The following CMYA5 variants were observed in gnomAD, a reference collection of about 807,000 sequenced individuals.
The protein encoded by CMYA5 is cardiomyopathy associated 5.
Under a neutral mutation model 318.9 loss-of-function variants are expected in CMYA5, and 246 were observed. The ratio of observed to expected loss-of-function variants is 0.77; its 90% confidence interval spans 0.70 to 0.86. The LOEUF is 0.86. CMYA5 is among the 40% of genes least tolerant of loss of function. CMYA5 has a pLI of 0.00. For synonymous variants in CMYA5, 1,641 were observed against 1,729.5 expected, an observed-to-expected ratio of 0.95 and a Z score of 1.27; for missense variants, 4,589 against 4,678.2, an observed-to-expected ratio of 0.98 and a Z score of 0.56.
rs1215558510 is a variant in CMYA5, at chr5:79,734,205, C to T, written c.5440C>T (p.Pro1814Ser). The change falls in exon 2 of 13, where the codon CCT becomes TCT. Residue 1814 changes from proline to serine, a missense_variant. Coordinates refer to ENST00000446378, the MANE Select transcript of CMYA5 (RefSeq NM_153610.5). The part of the protein sequence containing the change: ...QSITEPSKIA[P>S]SDLLVEQKKT... ...TATAACAGAACCATCAAAGATTGCT[C>T]CTTCTGACCTCCTTGTAGAACAAAA... is the stretch of plus-strand genomic sequence containing the variant. The T allele has an allele frequency of 1.2e-6, 2 of 1,613,710 alleles. No homozygotes were observed. The highest frequency in any genetic ancestry group is 1.7e-6 in the Non-Finnish European group (2 of 1,179,818).
rs1827947105 is a variant in CMYA5 at position 79,732,740 on chromosome 5, G to A, written c.3975G>A (p.Lys1325=). ...VLHSASSGVE[K]QVEHGPPALA... ...ATTCAGCTTCCTCAGGAGTGGAAAAGCAAGTTGAACATGGTCCACCTGCAC... is the reference window on the plus strand; with the variant it reads ...ATTCAGCTTCCTCAGGAGTGGAAAAACAAGTTGAACATGGTCCACCTGCAC... Residue 1325 remains lysine, a synonymous_variant, in exon 2 of 13, where the codon AAG becomes AAA. Transcript: ENST00000446378. The A allele has an allele frequency of 6.2e-7, 1 of 1,613,606 alleles. No homozygotes were observed. The highest frequency in any genetic ancestry group is 1.1e-5 in the South Asian group (1 of 91,048).
chr5:79,709,092 C>G (rs911233006), intron 1 of CMYA5, among the ~76,000 whole-genome samples: 7 of 152,038 alleles, frequency 4.6e-5, no homozygotes, highest in Admixed American at 1.3e-4. Context: ...TTTCTACAAA[C>G]AGGTATCAAG....
chr5:79,759,366 G>C (rs2151094306), intron 7 of CMYA5, among the ~76,000 whole-genome samples: 1 of 152,354 alleles, frequency 6.6e-6, no homozygotes, highest in Non-Finnish European at 1.5e-5. Context: ...GGGATGTCAT[G>C]GGTGGCAGTT....
chr5:79,745,030 A>G (rs565555340), intron 3 of CMYA5, among the ~76,000 whole-genome samples, 192 bp from the exon 4 acceptor site: 5 of 152,174 alleles, frequency 3.3e-5, no homozygotes, highest in Admixed American at 1.3e-4. Flanking sequence ...AGTAAATTCT[A>G]TTGCTTTATT....
chr5:79,729,914 C>G lies in CMYA5; in HGVS notation c.1149C>G (p.Pro383=). The G allele has an allele frequency of 1.2e-6, 2 of 1,613,318 alleles. No individual in the cohort carries two copies. Among genetic ancestry groups the G allele is most frequent in the South Asian group, 2.2e-5 (2 of 90,972 alleles). Reference sequence around the variant, plus strand: ...AAGTGGAACCTCCATCTGTGACACCCGACACACCTGCAACTATGTTCCTGA... The same window carrying G: ...AAGTGGAACCTCCATCTGTGACACCGGACACACCTGCAACTATGTTCCTGA... ...PHEVEPPSVT[P]DTPATMFLRT... Residue 383 remains proline, a synonymous_variant, in exon 2 of 13, where the codon CCC becomes CCG. Coordinates refer to ENST00000446378, the MANE Select transcript of CMYA5 (RefSeq NM_153610.5).
intron 7 of CMYA5, 144 bp downstream of exon 7, chr5:79,759,046 A>G (rs149562734): frequency 1.1e-5 from 7 of 665,600 alleles, no homozygotes; most frequent in East Asian, 3.3e-5. Context: ...CAACAACCAT[A>G]TAATGAAATA....
At position 79,735,814 on chromosome 5, in the gene CMYA5, C is replaced by G. The variant is rs1400304486; in HGVS notation, c.7049C>G (p.Ala2350Gly). ...GATAGTAAAAGAGTCCAGAAGCCAG[C>G]AATCGCTCCTCCATCTAAATGGAAT... The part of the protein sequence containing the change: ...VTDSKRVQKP[A>G]IAPPSKWNIS... Residue 2350 changes from alanine (A) to glycine (G), a missense_variant, in exon 2 of 13, where the codon GCA (alanine) becomes GGA (glycine). Coordinates refer to ENST00000446378, the MANE Select transcript of CMYA5 (RefSeq NM_153610.5). 4 of 1,549,688 alleles carry G rather than the reference C, an allele frequency of 2.6e-6. No homozygotes were observed. Among genetic ancestry groups the G allele is most frequent in the Non-Finnish European group, 3.5e-6 (4 of 1,156,612 alleles).
rs1827962691 is a variant in CMYA5 at position 79,733,267 on chromosome 5, C to T, written c.4502C>T (p.Thr1501Ile). 3 of 1,613,642 alleles carry T rather than the reference C, an allele frequency of 1.9e-6. No individual in the cohort carries two copies. The highest frequency in any genetic ancestry group is 1.7e-5 in the Admixed American group (1 of 60,004). Residue 1501 changes from threonine to isoleucine, a missense_variant, in exon 2 of 13, where the codon ACA (threonine) becomes ATA (isoleucine). Transcript: ENST00000446378. ...VEDKQDLLFS[T>I]VCDSERLVSS... Reference sequence around the variant, plus strand: ...GACAAACAAGATCTTTTATTTTCTACAGTCTGTGACTCTGAACGTTTGGTT... The same window carrying T: ...GACAAACAAGATCTTTTATTTTCTATAGTCTGTGACTCTGAACGTTTGGTT...
intron 1 of CMYA5, among the ~76,000 whole-genome samples, chr5:79,699,648 G>A (rs112590991): frequency 3.3e-5 from 5 of 152,294 alleles, no homozygotes; most frequent in African/African-American, 9.6e-5. Context: ...CCTGCTAACA[G>A]GAGTGAACCG....
At chr5:79,763,588 G>A (rs1049413276) in intron 9 of CMYA5, among the ~76,000 whole-genome samples, 2 of 152,142 alleles carry the variant, frequency 1.3e-5, no homozygotes, top group Admixed American at 1.3e-4. Context: ...TGTGTATAAT[G>A]TAAATTGGAA....
At chr5:79,714,592 C>T (rs192510103) in intron 1 of CMYA5, among the ~76,000 whole-genome samples, 7 of 152,042 alleles carry the variant, frequency 4.6e-5, no homozygotes, top group African/African-American at 1.7e-4. Flanking sequence ...CATGTGCCAC[C>T]ATGCCTTGCT....
chr5:79,728,213 C>T (rs138925893), intron 1 of CMYA5, among the ~76,000 whole-genome samples: 13 of 152,044 alleles, frequency 8.6e-5, no homozygotes, highest in African/African-American at 2.7e-4. Context: ...ATTTGCCGAA[C>T]AGTGAATTAT....
chr5:79,745,388 C>CTGCCAAA lies in CMYA5; in HGVS notation c.10902_10908dup (p.Asp3637CysfsTer16), dbSNP rs769388393. Reference sequence around the variant, plus strand: ...GTCCACTTTCTGCAGAGCATGGACACTGCCAAAGACACCCTGGAGACCATC... The same window carrying CTGCCAAA: ...GTCCACTTTCTGCAGAGCATGGACACTGCCAAATGCCAAAGACACCCTGGAGACCATC... On this transcript the variant is annotated frameshift_variant, in exon 4 of 13. Transcript: ENST00000446378. LOFTEE classifies it high-confidence loss of function. 7.4e-6 allele frequency: 12 copies of CTGCCAAA among 1,613,978 alleles called. No homozygotes were observed. The highest frequency in any genetic ancestry group is 1.3e-5 in the African/African-American group (1 of 75,050).
rs571525908 is a variant in CMYA5 at position 79,737,299 on chromosome 5, G to A, written c.8534G>A (p.Arg2845Lys). ...CCACGATCAGAATTGACTCCAGAAAGGCATACAGTTCATACTATTCAGACA... is the reference window on the plus strand; with the variant it reads ...CCACGATCAGAATTGACTCCAGAAAAGCATACAGTTCATACTATTCAGACA... ...EMPRSELTPE[R>K]HTVHTIQTSK... is the part of the protein sequence containing the mutation. Residue 2845 changes from arginine (R) to lysine (K), a missense_variant, in exon 2 of 13, where the codon AGG becomes AAG. Arg to Lys is a conservative substitution (Grantham distance 26). Transcript: ENST00000446378. The A allele has an allele frequency of 1.0e-3, 1,625 of 1,613,796 alleles. 33 individuals are homozygous for A. In the South Asian group the frequency reaches 0.016, roughly 16 times the overall value.
chr5:79,747,629 A>T (rs948688105), intron 5 of CMYA5, among the ~76,000 whole-genome samples: 35 of 152,206 alleles, frequency 2.3e-4, no homozygotes, highest in African/African-American at 7.0e-4. Flanking sequence ...TTAACACTTC[A>T]TCTAAGAGAA....
chr5:79,738,927 G>A lies in CMYA5; in HGVS notation c.10162G>A (p.Ala3388Thr), dbSNP rs755421471. 2 of 1,613,896 alleles carry A rather than the reference G, an allele frequency of 1.2e-6. No homozygotes were observed. The highest frequency in any genetic ancestry group is 1.7e-6 in the Non-Finnish European group (2 of 1,179,864). The change falls in exon 2 of 13, where the codon GCA (alanine) becomes ACA (threonine). Residue 3388 changes from alanine to threonine, a missense_variant. Transcript: ENST00000446378. ...CCCGGAGGAAGAATTTGCATCTGGTGCAACTCATGTTCAAGAAACATCACT... is the reference window on the plus strand; with the variant it reads ...CCCGGAGGAAGAATTTGCATCTGGTACAACTCATGTTCAAGAAACATCACT... ...SFPEEEFASG[A>T]THVQETSLEE...
At chr5:79,792,931 C>T (rs1185424557) in intron 11 of CMYA5, among the ~76,000 whole-genome samples, 3 of 152,244 alleles carry the variant, frequency 2.0e-5, no homozygotes, top group Non-Finnish European at 4.4e-5. Flanking sequence ...CTGGCCAGCA[C>T]TAGCTACCTT....
chr5:79,733,331 G>T lies in CMYA5; in HGVS notation c.4566G>T (p.Val1522=). The T allele has an allele frequency of 6.2e-7, 1 of 1,613,618 alleles. No homozygotes were observed. The highest frequency in any genetic ancestry group is 1.1e-5 in the South Asian group (1 of 91,074). Residue 1522 remains valine (V), a synonymous_variant, in exon 2 of 13, where the codon GTG becomes GTT. Transcript: ENST00000446378. Reference sequence around the variant, plus strand: ...AGAGCTTGATGTCTACCTCAGAGGTGTTAGAGCCTGAACATGAGCTTCCAC... The same window carrying T: ...AGAGCTTGATGTCTACCTCAGAGGTTTTAGAGCCTGAACATGAGCTTCCAC... ...QKKSLMSTSE[V]LEPEHELPLS... is the part of the protein sequence containing the mutation.
intron 1 of CMYA5, among the ~76,000 whole-genome samples, chr5:79,725,320 G>C (rs1827723269): frequency 1.3e-5 from 2 of 152,200 alleles, no homozygotes; most frequent in South Asian, 4.1e-4. Context: ...GCAGCAATAT[G>C]AATGCAGCTG....
Sources: gnomAD v4.1 joint callset for allele counts (sites outside exome capture counted in the v4.1 genomes callset) on GRCh38, gnomAD v4.1.1 for gene constraint, MANE v1.5 for transcripts, NCBI Gene and HGNC (gene_info 2026-07-23, HGNC 2026-07-21) for gene names.